The following PTGFR variants were observed in gnomAD, a reference collection of about 807,000 sequenced individuals.
PTGFR encodes prostaglandin F2-alpha receptor.
PTGFR carries 15 observed loss-of-function variants against 26.2 expected under a neutral mutation model. That is an observed-to-expected ratio of 0.57 (90% CI 0.38 to 0.88). PTGFR has a LOEUF of 0.88. Among genes scored for constraint, PTGFR ranks in the 40% least tolerant of loss-of-function variants. The pLI is 0.00. For missense variants in PTGFR, 369 were observed against 427.2 expected (o/e 0.86, Z 1.20); for synonymous variants, 165 against 151.1 (o/e 1.09, Z -0.68).
chr1:78,492,156 A>G (rs1649417609), intron 1 of PTGFR, among the ~76,000 whole-genome samples: 1 of 152,244 alleles, frequency 6.6e-6, no homozygotes, highest in South Asian at 2.1e-4. Context: ...ATCTGCATTT[A>G]ACATCAATGA....
chr1:78,534,328 C>T (rs768857500), intron 2 of PTGFR, among the ~76,000 whole-genome samples: 49 of 152,204 alleles, frequency 3.2e-4, no homozygotes, highest in Admixed American at 9.2e-4. Context: ...CTGCTTTTGT[C>T]GAACCAGCTT....
Position 78,538,963 on chromosome 1 carries a change from C to A in PTGFR, c.*2276C>A, listed in dbSNP as rs947826805. On this transcript the variant is annotated 3_prime_UTR_variant, in exon 3 of 3. Transcript: ENST00000370757. ...GTAATTATATATTCTGGGCAAATAA[C>A]ATAAACATGTCAGGATTTTTACAGG... is the stretch of plus-strand genomic sequence containing the variant. The A allele has an allele frequency of 6.6e-6, 1 of 151,904 alleles. No homozygotes were observed. Among genetic ancestry groups the A allele is most frequent in the Non-Finnish European group, 1.5e-5 (1 of 67,942 alleles). 9.4% of individuals were successfully genotyped at this position (151,904 alleles called of 1,614,324 possible). A position where few individuals can be genotyped will look rare whatever the true frequency, so the allele number is the denominator to read the frequency against.
chr1:78,503,202 T>G (rs1220524537), intron 2 of PTGFR, among the ~76,000 whole-genome samples: 1 of 151,366 alleles, frequency 6.6e-6, no homozygotes, highest in Non-Finnish European at 1.5e-5. Context: ...AAATTAAAAT[T>G]TTTCAAGTAA....
chr1:78,510,497 G>T (rs1365765219), intron 2 of PTGFR, among the ~76,000 whole-genome samples: 1 of 152,038 alleles, frequency 6.6e-6, no homozygotes, highest in African/African-American at 2.4e-5. Flanking sequence ...GATCTCATTT[G>T]TTACCACAAA....
intron 2 of PTGFR, among the ~76,000 whole-genome samples, chr1:78,528,997 G>T (rs1650442689): frequency 6.6e-6 from 1 of 152,032 alleles, no homozygotes. Flanking sequence ...TAGATGCCCA[G>T]GCACAAAAGA....
At chr1:78,529,499 G>T (rs1466331164) in intron 2 of PTGFR, among the ~76,000 whole-genome samples, 1 of 152,138 alleles carries the variant, frequency 6.6e-6, no homozygotes, top group African/African-American at 2.4e-5. Flanking sequence ...TGAGCCAGAG[G>T]TTTGAAGTAA....
In PTGFR at chr1:78,536,419, A is replaced by C. The variant is rs1650654413; in HGVS notation, c.812A>C (p.Asn271Thr). The change falls in exon 3 of 3, where the codon AAC (asparagine) becomes ACC (threonine). Residue 271 changes from asparagine (N) to threonine (T), a missense_variant. Coordinates refer to ENST00000370757, the MANE Select transcript of PTGFR (RefSeq NM_000959.4). ...CWSPFLVTMA[N>T]IGINGNHSLE... is the part of the protein sequence containing the mutation. ...CTTCGTTTCTAGGTTACAATGGCCA[A>C]CATTGGAATAAATGGAAATCATTCT... 1.2e-6 allele frequency: 2 copies of C among 1,611,162 alleles called. No individual in the cohort carries two copies. Among genetic ancestry groups the C allele is most frequent in the African/African-American group, 2.7e-5 (2 of 74,778 alleles).
intron 2 of PTGFR, among the ~76,000 whole-genome samples, chr1:78,535,701 C>A (rs947296994): frequency 2.0e-5 from 3 of 152,084 alleles, no homozygotes; most frequent in Non-Finnish European, 4.4e-5. Context: ...AGAACTGATT[C>A]CATGAAATGA....
In PTGFR at chr1:78,536,553, T is replaced by C. The variant is rs1440947113; in HGVS notation, c.946T>C (p.Tyr316His). 6.2e-7 allele frequency: 1 copy of C among 1,613,476 alleles called. No homozygotes were observed. Among genetic ancestry groups the C allele is most frequent in the Non-Finnish European group, 8.5e-7 (1 of 1,179,548 alleles). ...LLRKAVLKNL[Y>H]KLASQCCGVH... ...ACGAAAGGCTGTCCTTAAGAATCTC[T>C]ATAAGCTTGCCAGTCAATGCTGTGG... The change falls in exon 3 of 3, where the codon TAT (tyrosine) becomes CAT (histidine). Residue 316 changes from tyrosine (Y) to histidine (H), a missense_variant. By Grantham distance (83) the Tyr-to-His change is moderately conservative. Coordinates refer to ENST00000370757, the MANE Select transcript of PTGFR (RefSeq NM_000959.4).
At chr1:78,505,182 A>G (rs552269031) in intron 2 of PTGFR, among the ~76,000 whole-genome samples, 1 of 140,316 alleles carries the variant, frequency 7.1e-6, no homozygotes, top group East Asian at 2.1e-4. Flanking sequence ...GAGTGCAGTG[A>G]CGTGACCTTG....
intron 2 of PTGFR, among the ~76,000 whole-genome samples, chr1:78,510,748 C>T (rs1358066025): frequency 1.3e-5 from 2 of 152,142 alleles, no homozygotes; most frequent in Non-Finnish European, 2.9e-5. Context: ...ACTCAAAAGT[C>T]CCAAAGTCTT....
chr1:78,512,086 TA>T (rs1418663786), intron 2 of PTGFR, among the ~76,000 whole-genome samples: 1 of 150,856 alleles, frequency 6.6e-6, no homozygotes, highest in Non-Finnish European at 1.5e-5. Context: ...ACATTTCCAT[TA>T]GGTTGTGATT....
chr1:78,493,297 G>T lies in PTGFR; in HGVS notation c.554G>T (p.Trp185Leu). ...RDYKIQASRT[W>L]CFYNTEDIKD... is the part of the protein sequence containing the mutation. ...TATAAAATTCAGGCGTCGAGGACCT[G>T]GTGTTTCTACAACACAGAAGACATC... Residue 185 changes from tryptophan to leucine, a missense_variant, in exon 2 of 3, where the codon TGG (tryptophan) becomes TTG (leucine). By Grantham distance (61) the Trp-to-Leu change is moderately conservative. Coordinates refer to ENST00000370757, the MANE Select transcript of PTGFR (RefSeq NM_000959.4). 1 of 1,613,998 alleles carries T rather than the reference G, an allele frequency of 6.2e-7. No individual in the cohort carries two copies. The highest frequency in any genetic ancestry group is 8.5e-7 in the Non-Finnish European group (1 of 1,180,040).
At chr1:78,527,823 AT>A (rs1460684515) in intron 2 of PTGFR, among the ~76,000 whole-genome samples, 4 of 152,160 alleles carry the variant, frequency 2.6e-5, no homozygotes, top group Non-Finnish European at 5.9e-5. Flanking sequence ...CTTCTCATTA[AT>A]TCCTTCACTT....
chr1:78,516,252 G>T (rs568835243), intron 2 of PTGFR, among the ~76,000 whole-genome samples: 4 of 152,152 alleles, frequency 2.6e-5, no homozygotes, highest in Non-Finnish European at 5.9e-5. Flanking sequence ...TTATGACTAT[G>T]TATGTTCAGA....
Position 78,537,783 on chromosome 1 carries a change from C to A in PTGFR, c.*1096C>A, listed in dbSNP as rs1650693962. 6.6e-6 allele frequency: 1 copy of A among 152,080 alleles called. No homozygotes were observed. The highest frequency in any genetic ancestry group is 1.5e-5 in the Non-Finnish European group (1 of 67,996). The allele number at this position is 152,080 out of a possible 1,614,324, so 9.4% of individuals were successfully genotyped here. A position where few individuals can be genotyped will look rare whatever the true frequency, so the allele number is the denominator to read the frequency against. On this transcript the variant is annotated 3_prime_UTR_variant, in exon 3 of 3. Transcript: ENST00000370757. ...TAAGAGGGGAAGACTGGCAATTTGC[C>A]AAGCACTTGGGGATTATTATAACAA...
chr1:78,520,143 A>T (rs1328555328), intron 2 of PTGFR, among the ~76,000 whole-genome samples: 1 of 152,080 alleles, frequency 6.6e-6, no homozygotes, highest in African/African-American at 2.4e-5. Context: ...GGTTTGCGCC[A>T]TTCTGAGATA....
chr1:78,520,988 T>G (rs546023235), intron 2 of PTGFR, among the ~76,000 whole-genome samples: 1 of 152,190 alleles, frequency 6.6e-6, no homozygotes, highest in South Asian at 2.1e-4. Context: ...GGGGAGGAAA[T>G]CTGAGCTACG....
At chr1:78,534,697 GT>G (rs11464403) in intron 2 of PTGFR, among the ~76,000 whole-genome samples, 1 of 150,058 alleles carries the variant, frequency 6.7e-6, no homozygotes, top group African/African-American at 2.5e-5. Context: ...TACATATTTG[GT>G]TTTTTTTTCA....
Sources: gnomAD v4.1 joint callset for allele counts (sites outside exome capture counted in the v4.1 genomes callset) on GRCh38, gnomAD v4.1.1 for gene constraint, MANE v1.5 for transcripts, NCBI Gene and HGNC (gene_info 2026-07-23, HGNC 2026-07-21) for gene names.